Variants in ENTREP2 observed in about 807,000 individuals in gnomAD.
ENTREP2 encodes protein ENTREP2.
the ENTREP2 span, among the ~76,000 whole-genome samples, chr15:29,131,606 A>C: frequency 4.5e-5 from 1 of 22,444 alleles, no homozygotes; most frequent in African/African-American, 1.6e-4. Context: ...TCCTTCACAC[A>C]CCCCAGCCCG....
the ENTREP2 span, among the ~76,000 whole-genome samples, chr15:29,362,988 T>C: frequency 2.6e-5 from 4 of 152,198 alleles, no homozygotes; most frequent in East Asian, 7.7e-4. Flanking sequence ...AGCGTATTAG[T>C]CCATTTTCAT....
At chr15:29,593,762 C>T in the ENTREP2 span, among the ~76,000 whole-genome samples, 2 of 152,202 alleles carry the variant, frequency 1.3e-5, no homozygotes, top group Non-Finnish European at 2.9e-5. Flanking sequence ...AGAAGGGGCA[C>T]AGACTGATGG....
At chr15:29,183,249 A>C in the ENTREP2 span, among the ~76,000 whole-genome samples, 2 of 152,208 alleles carry the variant, frequency 1.3e-5, no homozygotes, top group Non-Finnish European at 2.9e-5. Context: ...CAGCAGGAAA[A>C]GAGAAAAAAC....
At chr15:29,648,866 G>A in the ENTREP2 span, among the ~76,000 whole-genome samples, 1 of 152,018 alleles carries the variant, frequency 6.6e-6, no homozygotes, top group Non-Finnish European at 1.5e-5. Flanking sequence ...TTGAACTAGG[G>A]AGGCGGAAGT....
chr15:29,419,209 T>C, the ENTREP2 span, among the ~76,000 whole-genome samples: 1 of 152,216 alleles, frequency 6.6e-6, no homozygotes, highest in Non-Finnish European at 1.5e-5. Flanking sequence ...AAAACAATTA[T>C]AGTTATTACG....
chr15:29,214,416 A>C, the ENTREP2 span, among the ~76,000 whole-genome samples: 6 of 152,148 alleles, frequency 3.9e-5, no homozygotes, highest in African/African-American at 1.4e-4. Context: ...GGAAACCATC[A>C]TCTCAGCAAA....
At chr15:29,139,099 G>A in the ENTREP2 span, among the ~76,000 whole-genome samples, 1 of 152,172 alleles carries the variant, frequency 6.6e-6, no homozygotes. Context: ...GGAGCTGACA[G>A]AGGCCAGGAC....
the ENTREP2 span, among the ~76,000 whole-genome samples, chr15:29,647,050 A>G: frequency 2.0e-5 from 3 of 152,200 alleles, no homozygotes; most frequent in Admixed American, 6.5e-5. Flanking sequence ...TGCAGCTGTC[A>G]TATTAAGTGC....
chr15:29,283,936 A>G, the ENTREP2 span, among the ~76,000 whole-genome samples: 1 of 152,182 alleles, frequency 6.6e-6, no homozygotes, highest in African/African-American at 2.4e-5. Flanking sequence ...AAACCAAATT[A>G]CTATTTTAGG....
the ENTREP2 span, among the ~76,000 whole-genome samples, chr15:29,349,756 G>C: frequency 6.6e-6 from 1 of 152,086 alleles, no homozygotes; most frequent in African/African-American, 2.4e-5. Context: ...AAATTAGCCT[G>C]GCGTGGAGGC....
the ENTREP2 span, among the ~76,000 whole-genome samples, chr15:29,326,055 C>T: frequency 1.3e-5 from 2 of 152,042 alleles, no homozygotes; most frequent in Non-Finnish European, 2.9e-5. Flanking sequence ...AAAGAAAATT[C>T]TCTACAAACT....
At chr15:29,191,824 G>T in the ENTREP2 span, among the ~76,000 whole-genome samples, 1 of 152,270 alleles carries the variant, frequency 6.6e-6, no homozygotes, top group Non-Finnish European at 1.5e-5. Flanking sequence ...TAAGGTGGGA[G>T]GATCTCTTGG....
the ENTREP2 span, among the ~76,000 whole-genome samples, chr15:29,563,813 A>C: frequency 8.6e-5 from 13 of 151,008 alleles, no homozygotes; most frequent in Non-Finnish European, 1.5e-4. Context: ...CTCCAGCCTG[A>C]GCAACACAGC....
the ENTREP2 span, among the ~76,000 whole-genome samples, chr15:29,462,683 C>T: frequency 6.6e-6 from 1 of 152,048 alleles, no homozygotes; most frequent in Non-Finnish European, 1.5e-5. Context: ...GTCTGGTGTA[C>T]TCTGCAAGTT....
the ENTREP2 span, among the ~76,000 whole-genome samples, chr15:29,360,884 G>A: frequency 1.3e-5 from 2 of 152,214 alleles, no homozygotes; most frequent in African/African-American, 2.4e-5. Context: ...CCGCCTTGGG[G>A]CAGTCACCCA....
the ENTREP2 span, chr15:29,269,165 T>C: frequency 1.9e-6 from 3 of 1,614,004 alleles, no homozygotes; most frequent in Non-Finnish European, 2.5e-6. Flanking sequence ...CCTAAGACGA[T>C]CATCAGGAGG....
At chr15:29,426,470 A>G in the ENTREP2 span, among the ~76,000 whole-genome samples, 2 of 150,652 alleles carry the variant, frequency 1.3e-5, no homozygotes, top group African/African-American at 4.9e-5. Flanking sequence ...TAAAACAAAA[A>G]CATCTCCTAT....
At chr15:29,290,318 C>A in the ENTREP2 span, among the ~76,000 whole-genome samples, 5 of 152,210 alleles carry the variant, frequency 3.3e-5, no homozygotes, top group African/African-American at 1.2e-4. Context: ...GGGTTGTCCT[C>A]TCTGCCTGGA....
chr15:29,241,858 C>T, the ENTREP2 span, among the ~76,000 whole-genome samples: 4 of 56,660 alleles, frequency 7.1e-5, no homozygotes, highest in East Asian at 4.0e-3. Context: ...TACAGTGAGA[C>T]CCCCCCCCAC....
Sources: gnomAD v4.1 joint callset for allele counts (sites outside exome capture counted in the v4.1 genomes callset) on GRCh38, gnomAD v4.1.1 for gene constraint, MANE v1.5 for transcripts, NCBI Gene and HGNC (gene_info 2026-07-23, HGNC 2026-07-21) for gene names.